CTNNA2: variants seen among roughly 807,000 people sequenced by gnomAD.
CTNNA2 encodes the protein catenin alpha 2.
In CTNNA2, 42 loss-of-function variants were observed where a neutral mutation model predicts 101.0. The observed-to-expected ratio is 0.42, with a 90% CI of 0.32 to 0.54. CTNNA2 has a LOEUF of 0.54. Ranked by LOEUF, CTNNA2 falls within the 20% of genes least tolerant of loss-of-function variation. The probability of loss-of-function intolerance (pLI) is 0.14; values close to 1 mark genes in which losing one functional copy is unlikely to be tolerated. For missense variants in CTNNA2, 871 were observed against 1,223.1 expected, an observed-to-expected ratio of 0.71 and a Z score of 4.29; for synonymous variants, 450 against 456.4, an observed-to-expected ratio of 0.99 and a Z score of 0.18.
At chr2:80,151,204 C>T (rs191813488) in intron 7 of CTNNA2, among the ~76,000 whole-genome samples, 20 of 152,320 alleles carry the variant, frequency 1.3e-4, no homozygotes, top group Non-Finnish European at 2.9e-4. Context: ...TTATATTTCC[C>T]CTCCAAGCCA....
intron 7 of CTNNA2, among the ~76,000 whole-genome samples, chr2:79,958,791 A>T (rs747920): frequency 1.3e-5 from 2 of 151,178 alleles, no homozygotes; most frequent in African/African-American, 4.9e-5. Context: ...TTTTCTTTTC[A>T]TAAGATTGGC....
chr2:79,522,828 AT>A (rs1049374202), intron 1 of CTNNA2, among the ~76,000 whole-genome samples: 1 of 152,232 alleles, frequency 6.6e-6, no homozygotes, highest in African/African-American at 2.4e-5. Flanking sequence ...ATACAGAGGT[AT>A]CTCAAGAATC....
chr2:79,585,515 A>G (rs1169915896), intron 1 of CTNNA2, among the ~76,000 whole-genome samples: 5 of 152,056 alleles, frequency 3.3e-5, no homozygotes, highest in Admixed American at 3.3e-4. Context: ...TTATTATTAT[A>G]ATATGTAAAA....
At position 79,667,566 on chromosome 2, in the gene CTNNA2, T is replaced by C. The variant is rs556616956; in HGVS notation, c.102+15908T>C. ...ATCTGTATTTTTATACCTAACACAA[T>C]CTGGTAGGAATGGGTTAAGTCCAAA... On this transcript the variant is annotated intron_variant, in intron 2 of 18. Coordinates refer to ENST00000402739, the MANE Select transcript of CTNNA2 (RefSeq NM_001282597.3). 3.9e-5 allele frequency among the ~76,000 whole-genome samples: 6 copies of C among 152,292 alleles called. No individual in the cohort carries two copies. The East Asian group carries it at 1.2e-3, about 29-fold the overall frequency.
intron 4 of CTNNA2, among the ~76,000 whole-genome samples, chr2:79,434,398 T>A (rs755374824): frequency 2.6e-5 from 4 of 152,108 alleles, no homozygotes; most frequent in Non-Finnish European, 4.4e-5. Context: ...AATTGGAATT[T>A]GGAACTTGTA....
intron 7 of CTNNA2, among the ~76,000 whole-genome samples, chr2:80,317,276 C>T (rs951689643): frequency 6.6e-6 from 1 of 152,126 alleles, no homozygotes; most frequent in African/African-American, 2.4e-5. Context: ...ATAACCTCCA[C>T]TAGACCTTAT....
At chr2:79,688,346 A>T (rs867992699) in intron 2 of CTNNA2, among the ~76,000 whole-genome samples, 2 of 152,106 alleles carry the variant, frequency 1.3e-5, no homozygotes, top group Non-Finnish European at 2.9e-5. Context: ...ACATAAATAT[A>T]AAAAATAATT....
In CTNNA2 at chr2:80,241,260, TA is replaced by T. The variant is rs759439976; in HGVS notation, c.1057-151950del. ...CAGGAGTACTTCTAATGCACTGCAG[TA>T]TTTGTTTACTCAGTGACCAGGAAAA... On this transcript the variant is annotated intron_variant, in intron 7 of 18. Coordinates refer to ENST00000402739, the MANE Select transcript of CTNNA2 (RefSeq NM_001282597.3). 1.1e-4 allele frequency among the ~76,000 whole-genome samples: 16 copies of T among 151,754 alleles called. 1 individual carries two copies. Among genetic ancestry groups the T allele is most frequent in the Admixed American group, 4.6e-4 (7 of 15,252 alleles).
intron 2 of CTNNA2, among the ~76,000 whole-genome samples, chr2:79,698,641 C>T (rs534189061): frequency 6.8e-4 from 103 of 152,068 alleles, no homozygotes; most frequent in Non-Finnish European, 1.3e-3. Context: ...AAATTGTTTG[C>T]TAGTTCACTC....
Position 80,603,015 on chromosome 2 carries a change from A to G in CTNNA2, c.2190-1059A>G, listed in dbSNP as rs116672409. 4.9e-3 allele frequency among the ~76,000 whole-genome samples: 739 copies of G among 152,178 alleles called. 4 individuals carry two copies. Among genetic ancestry groups the G allele is most frequent in the African/African-American group, 0.017 (701 of 41,570 alleles). The stretch of plus-strand genomic sequence containing the variant: ...AAAATGTTATTATGTAACAATAGCA[A>G]TCATTGCCCTCTCTGTATAACCCTA... On this transcript the variant is annotated intron_variant, in intron 15 of 18. Transcript: ENST00000402739.
chr2:79,344,121 G>T (rs917830169), intron 3 of CTNNA2, among the ~76,000 whole-genome samples: 1 of 151,990 alleles, frequency 6.6e-6, no homozygotes, highest in Non-Finnish European at 1.5e-5. Context: ...TTTTCAACTG[G>T]CACACTAACC....
At chr2:80,386,801 T>C (rs1299792984) in intron 7 of CTNNA2, among the ~76,000 whole-genome samples, 2 of 152,202 alleles carry the variant, frequency 1.3e-5, no homozygotes, top group Admixed American at 1.3e-4. Flanking sequence ...TTCAGTCATG[T>C]CTGCAGGTCC....
intron 7 of CTNNA2, among the ~76,000 whole-genome samples, chr2:80,062,640 A>C (rs969133906): frequency 7.2e-5 from 11 of 151,982 alleles, no homozygotes; most frequent in South Asian, 4.2e-4. Flanking sequence ...TATACATAAG[A>C]ATCTTTGTAG....
At chr2:80,288,132 G>C (rs1441706690) in intron 7 of CTNNA2, among the ~76,000 whole-genome samples, 1 of 152,048 alleles carries the variant, frequency 6.6e-6, no homozygotes, top group Non-Finnish European at 1.5e-5. Flanking sequence ...CATTCCAAGT[G>C]GGGGACATTC....
At chr2:80,218,302 G>A (rs1050677961) in intron 7 of CTNNA2, among the ~76,000 whole-genome samples, 1 of 152,224 alleles carries the variant, frequency 6.6e-6, no homozygotes, top group African/African-American at 2.4e-5. Context: ...GGCTGAGGGG[G>A]CAGAGATATT....
intron 7 of CTNNA2, among the ~76,000 whole-genome samples, chr2:80,214,003 T>A (rs1424176951): frequency 1.3e-5 from 2 of 152,206 alleles, no homozygotes; most frequent in Non-Finnish European, 2.9e-5. Context: ...TTTGTTGGTT[T>A]AAAGTCTGTT....
At chr2:80,501,880 C>T (rs1687909211) in intron 9 of CTNNA2, among the ~76,000 whole-genome samples, 1 of 152,142 alleles carries the variant, frequency 6.6e-6, no homozygotes, top group African/African-American at 2.4e-5. Flanking sequence ...AAGGAATCTA[C>T]AGGGAGTTGC....
At chr2:80,391,293 A>G (rs1020299096) in intron 7 of CTNNA2, among the ~76,000 whole-genome samples, 3 of 151,974 alleles carry the variant, frequency 2.0e-5, no homozygotes, top group Non-Finnish European at 2.9e-5. Context: ...CATTCTTCTC[A>G]TCTGAAAAGT....
At chr2:79,778,310 A>G (rs1353194545) in intron 3 of CTNNA2, among the ~76,000 whole-genome samples, 2 of 151,982 alleles carry the variant, frequency 1.3e-5, no homozygotes, top group South Asian at 4.1e-4. Flanking sequence ...GCATCACTGC[A>G]CTCCAGCTTG....
Sources: gnomAD v4.1 joint callset for allele counts (sites outside exome capture counted in the v4.1 genomes callset) on GRCh38, gnomAD v4.1.1 for gene constraint, MANE v1.5 for transcripts, NCBI Gene and HGNC (gene_info 2026-07-23, HGNC 2026-07-21) for gene names.